Variants in ZNF705A observed in about 807,000 individuals in gnomAD.
ZNF705A encodes zinc finger protein 705A.
In ZNF705A, 8 loss-of-function variants were observed where a neutral mutation model predicts 16.6. The ratio of observed to expected loss-of-function variants is 0.48; its 90% confidence interval spans 0.28 to 0.87. The LOEUF (loss-of-function observed/expected upper bound fraction) is 0.87. Ranked by LOEUF, ZNF705A falls within the 40% of genes least tolerant of loss-of-function variation. The pLI is 0.10. For synonymous variants in ZNF705A, 73 were observed against 117.3 expected, an observed-to-expected ratio of 0.62 and a Z score of 2.44; for missense variants, 233 against 359.9, an observed-to-expected ratio of 0.65 and a Z score of 2.85.
At chr12:8,165,689 C>T (rs1165014731) in intron 1 of ZNF705A, among the ~76,000 whole-genome samples, 1 of 151,896 alleles carries the variant, frequency 6.6e-6, no homozygotes, top group East Asian at 1.9e-4. Context: ...CCTTCCCCCT[C>T]TAGTAGTCCC....
chr12:8,163,729 G>T (rs1359769710), intron 1 of ZNF705A, among the ~76,000 whole-genome samples: 1 of 152,202 alleles, frequency 6.6e-6, no homozygotes, highest in South Asian at 2.1e-4. Context: ...ATTCATTAGG[G>T]ACGCAGGCCC....
intron 4 of ZNF705A, 80 bp downstream of exon 5, chr12:8,176,022 C>T (rs1415657277): frequency 6.3e-7 from 1 of 1,587,032 alleles, no homozygotes; most frequent in African/African-American, 1.4e-5. Flanking sequence ...AGCACAATCA[C>T]CTGAGTGTAA....
intron 1 of ZNF705A, among the ~76,000 whole-genome samples, chr12:8,159,825 T>TGC: frequency 6.6e-6 from 1 of 152,304 alleles, no homozygotes; most frequent in East Asian, 1.9e-4. Context: ...TTCTTTGGTT[T>TGC]AATTAAGTCC....
exon 5 of ZNF705A, chr12:8,177,449 G>C: frequency 1.2e-6 from 2 of 1,612,162 alleles, no homozygotes; most frequent in Non-Finnish European, 1.7e-6. Context: ...AAAGTGTTAT[G>C]AATGTGATAA....
At chr12:8,157,765 C>T (rs987625976) in intron 1 of ZNF705A, among the ~76,000 whole-genome samples, 7 of 152,066 alleles carry the variant, frequency 4.6e-5, no homozygotes, top group African/African-American at 1.2e-4. Context: ...AGTTTTTATA[C>T]TTGTAAACTG....
intron 2 of ZNF705A, among the ~76,000 whole-genome samples, chr12:8,174,722 A>T (rs770684105): frequency 6.6e-6 from 1 of 152,302 alleles, no homozygotes; most frequent in African/African-American, 2.4e-5. Context: ...CTCATAACAG[A>T]CCTGGGAACT....
intron 1 of ZNF705A, 52 bp from the exon 3 acceptor site, chr12:8,174,274 G>A (rs1412084735): frequency 4.7e-5 from 75 of 1,595,664 alleles, no homozygotes; most frequent in East Asian, 1.6e-4. Flanking sequence ...TTCCTCTTCC[G>A]GACATTGAAA....
chr12:8,171,162 A>G (rs1948441743), upstream of ZNF705A, among the ~76,000 whole-genome samples: 1 of 152,246 alleles, frequency 6.6e-6, no homozygotes, highest in African/African-American at 2.4e-5. Flanking sequence ...ATATATGTAC[A>G]TCTGTAAGCA....
At chr12:8,169,862 T>A (rs933228912), upstream of ZNF705A, among the ~76,000 whole-genome samples, 10 of 152,108 alleles carry the variant, frequency 6.6e-5, no homozygotes, top group African/African-American at 2.2e-4. Flanking sequence ...AAGGTAATAT[T>A]GAGGGTGCAG....
upstream of ZNF705A, among the ~76,000 whole-genome samples, chr12:8,169,522 A>C (rs941928558): frequency 4.6e-5 from 7 of 152,206 alleles, no homozygotes; most frequent in Admixed American, 1.3e-4. Context: ...CTATGTGTTC[A>C]TTGCTAGAAT....
At chr12:8,162,006 T>A (rs1028524043) in intron 1 of ZNF705A, among the ~76,000 whole-genome samples, 1 of 152,180 alleles carries the variant, frequency 6.6e-6, no homozygotes, top group African/African-American at 2.4e-5. Context: ...TCAAGAATTT[T>A]AAAATATGAG....
rs368699575 is a variant in ZNF705A, at chr12:8,177,479, C to G, written c.799C>G (p.Gln267Glu). ...TGATAAAAGTGGGAAAGCCTTTAGTCAAAGCTCTGGCTTTAGAGGAAACAA... is the reference window on the plus strand; with the variant it reads ...TGATAAAAGTGGGAAAGCCTTTAGTGAAAGCTCTGGCTTTAGAGGAAACAA... Residue 267 changes from glutamine to glutamate, a missense_variant, in exon 5 of 5, where the codon CAA (glutamine) becomes GAA (glutamate). Gln to Glu is a conservative substitution (Grantham distance 29, BLOSUM62 2). Coordinates refer to ENST00000359286, the Ensembl canonical transcript of ZNF705A. 3.5e-5 allele frequency: 57 copies of G among 1,612,186 alleles called. 1 individual carries two copies. The African/African-American group carries it at 6.7e-4, about 19-fold the overall frequency.
At chr12:8,168,092 C>A (rs1948414868), upstream of ZNF705A, among the ~76,000 whole-genome samples, 1 of 152,204 alleles carries the variant, frequency 6.6e-6, no homozygotes, top group Non-Finnish European at 1.5e-5. Context: ...AGCTTTCTTT[C>A]CTTTTCCGGT....
chr12:8,160,045 T>C (rs1948341425), intron 1 of ZNF705A, among the ~76,000 whole-genome samples: 1 of 152,220 alleles, frequency 6.6e-6, no homozygotes, highest in Non-Finnish European at 1.5e-5. Context: ...TACATGTGGC[T>C]AGCCAATTAT....
chr12:8,177,288 A>T (rs1948493402), exon 5 of ZNF705A: 1 of 1,611,692 alleles, frequency 6.2e-7, no homozygotes, highest in African/African-American at 1.3e-5. Context: ...TATGCATGTC[A>T]TCTATGTGGA....
At chr12:8,170,057 C>T (rs538270528), upstream of ZNF705A, among the ~76,000 whole-genome samples, 3 of 151,970 alleles carry the variant, frequency 2.0e-5, no homozygotes, top group East Asian at 1.9e-4. Context: ...AGCACGATGG[C>T]GCATGCCTGT....
exon 5 of ZNF705A, chr12:8,178,579 A>C (rs1948505163): frequency 6.6e-6 from 1 of 152,254 alleles, no homozygotes; most frequent in African/African-American, 2.4e-5. Flanking sequence ...CTCTTAACAC[A>C]TACTTTAGCA....
rs760136207 is a variant in ZNF705A at position 8,162,881 on chromosome 12, G to C, written c.-72+5789G>C. 5.3e-5 allele frequency among the ~76,000 whole-genome samples: 8 copies of C among 152,268 alleles called. No homozygotes were observed. The East Asian group carries it at 1.5e-3, about 29-fold the overall frequency. ...CTTGCTCCTGGTCTGAAACTCCAAA[G>C]TGCTTTGTTTATGTTACAGTACTTA... On this transcript the variant is annotated intron_variant, in intron 1 of 5. Coordinates refer to the ZNF705A transcript ENST00000396570.
At chr12:8,162,330 A>G (rs1230242777) in intron 1 of ZNF705A, among the ~76,000 whole-genome samples, 30 of 152,210 alleles carry the variant, frequency 2.0e-4, no homozygotes, top group Non-Finnish European at 8.8e-5. Flanking sequence ...CTGCAAAACC[A>G]GAAAGGGACT....
Sources: allele counts gnomAD v4.1 joint callset (sites outside exome capture counted in the v4.1 genomes callset), GRCh38; gene constraint gnomAD v4.1.1; transcripts MANE v1.5; gene names NCBI Gene and HGNC (gene_info 2026-07-23, HGNC 2026-07-21).